Variants in GABRA3 observed in about 807,000 individuals in gnomAD.
GABRA3 encodes the protein gamma-aminobutyric acid type A receptor subunit alpha3.
A neutral mutation model predicts 30.1 loss-of-function variants in GABRA3; 10 were observed. The observed-to-expected ratio is 0.33, with a 90% CI of 0.20 to 0.56. The LOEUF is 0.56. GABRA3 is among the 20% of genes least tolerant of loss of function. The probability of loss-of-function intolerance (pLI) is 0.89; values close to 1 mark genes in which losing one functional copy is unlikely to be tolerated. For missense variants in GABRA3, 233 were observed against 392.0 expected (o/e 0.59, Z 3.42); for synonymous variants, 151 against 146.8 (o/e 1.03, Z -0.21).
At chrX:152,181,473 T>C (rs1211803993) in intron 9 of GABRA3, among the ~76,000 whole-genome samples, 1 of 110,922 alleles carries the variant, frequency 9.0e-6, no homozygotes, top group Non-Finnish European at 1.9e-5. Context: ...TAGGGTTTTC[T>C]ATATATAAGA....
intron 1 of GABRA3, among the ~76,000 whole-genome samples, chrX:152,407,428 A>G (rs1316019741): frequency 3.6e-5 from 4 of 111,991 alleles, no homozygotes; most frequent in Non-Finnish European, 7.5e-5. Context: ...TAAAAGGATT[A>G]TTAGAGATTA....
At chrX:152,439,638 G>T (rs1930868786) in intron 1 of GABRA3, among the ~76,000 whole-genome samples, 1 of 111,483 alleles carries the variant, frequency 9.0e-6, no homozygotes, top group African/African-American at 3.3e-5. Context: ...TATATGTGAA[G>T]CAAAAACCTG....
chrX:152,385,952 ATC>A lies in GABRA3; in HGVS notation c.-26-21358_-26-21357del, dbSNP rs1327244735. Among the ~76,000 whole-genome samples, 6 of 110,114 alleles carry A rather than the reference ATC, an allele frequency of 5.4e-5. No individual in the cohort carries two copies. In the East Asian group the frequency reaches 1.7e-3, roughly 32 times the overall value. On this transcript the variant is annotated intron_variant, in intron 1 of 9. Coordinates refer to ENST00000370314, the MANE Select transcript of GABRA3 (RefSeq NM_000808.4). ...GCTCTGTTCTGTTCCATTGATCTAT[ATC>A]TCTGTTTTGGTACCAGTACCATGCT...
At position 152,167,714 on chromosome X, in the gene GABRA3, CCCACCTTT is replaced by C; in HGVS notation, c.*506_*513del. The C allele has an allele frequency of 8.7e-6, 1 of 115,104 alleles. No homozygotes were observed. The highest frequency in any genetic ancestry group is 1.8e-5 in the Non-Finnish European group (1 of 54,520). 9.5% of individuals were successfully genotyped at this position (115,104 alleles called of 1,213,427 possible). A position where few individuals can be genotyped will look rare whatever the true frequency, so the allele number is the denominator to read the frequency against. On this transcript the variant is annotated 3_prime_UTR_variant, in exon 10 of 10. Coordinates refer to ENST00000370314, the MANE Select transcript of GABRA3 (RefSeq NM_000808.4). ...ATGGGTTGGGGGTGTAGAACTGGCTCCCACCTTTGCTATCAGTACTTATGCCTAGTAGG... is the reference window on the plus strand; with the variant it reads ...ATGGGTTGGGGGTGTAGAACTGGCTCGCTATCAGTACTTATGCCTAGTAGG...
intron 4 of GABRA3, among the ~76,000 whole-genome samples, chrX:152,272,527 C>T (rs1037688933): frequency 1.3e-4 from 15 of 111,980 alleles, no homozygotes; most frequent in Non-Finnish European, 2.4e-4. Flanking sequence ...CTTGCCTTGT[C>T]TCAGATGAGA....
At chrX:152,434,537 T>G (rs776788467) in intron 1 of GABRA3, among the ~76,000 whole-genome samples, 9 of 111,618 alleles carry the variant, frequency 8.1e-5, no homozygotes, top group Non-Finnish European at 1.7e-4. Context: ...ACTTCCCACC[T>G]CATTTTATGA....
At chrX:152,211,076 T>A (rs753565374) in intron 6 of GABRA3, among the ~76,000 whole-genome samples, 2 of 110,821 alleles carry the variant, frequency 1.8e-5, no homozygotes, top group African/African-American at 6.6e-5. Context: ...TCTGTATAGG[T>A]CTTCTTACCT....
intron 5 of GABRA3, among the ~76,000 whole-genome samples, chrX:152,239,970 A>C (rs1238904722): frequency 1.0e-5 from 1 of 98,122 alleles, no homozygotes. Context: ...TGTGTCTTTT[A>C]ATTGGAGAAT....
intron 3 of GABRA3, among the ~76,000 whole-genome samples, chrX:152,301,001 C>T (rs898656607): frequency 2.7e-5 from 3 of 111,990 alleles, no homozygotes; most frequent in African/African-American, 9.7e-5. Context: ...TGATAGACTA[C>T]ATCAATGTAC....
intron 2 of GABRA3, among the ~76,000 whole-genome samples, chrX:152,352,384 C>T (rs1025991971): frequency 9.0e-6 from 1 of 111,577 alleles, no homozygotes; most frequent in African/African-American, 3.3e-5. Flanking sequence ...CATTAACTTC[C>T]CCCCAAACTC....
At chrX:152,415,399 T>C (rs1038845529) in intron 1 of GABRA3, among the ~76,000 whole-genome samples, 2 of 111,447 alleles carry the variant, frequency 1.8e-5, no homozygotes, top group African/African-American at 6.5e-5. Flanking sequence ...TTATGTAATA[T>C]TATCAAACTG....
chrX:152,262,069 A>G (rs1938740102), intron 4 of GABRA3, among the ~76,000 whole-genome samples: 1 of 112,399 alleles, frequency 8.9e-6, no homozygotes, highest in African/African-American at 3.2e-5. Flanking sequence ...GTCTGAAGCC[A>G]TGGCCTGAGC....
chrX:152,270,003 A>G (rs1938899530), intron 4 of GABRA3, among the ~76,000 whole-genome samples: 1 of 112,294 alleles, frequency 8.9e-6, no homozygotes, highest in South Asian at 3.7e-4. Flanking sequence ...GATTACATCA[A>G]GTTCAAAAGC....
intron 5 of GABRA3, among the ~76,000 whole-genome samples, chrX:152,237,649 G>C: frequency 9.3e-6 from 1 of 107,877 alleles, no homozygotes; most frequent in Non-Finnish European, 1.9e-5. Flanking sequence ...TCTTCCATTT[G>C]TATCCTCTTT....
At chrX:152,240,720 C>G (rs1392190090) in intron 5 of GABRA3, among the ~76,000 whole-genome samples, 3 of 100,655 alleles carry the variant, frequency 3.0e-5, no homozygotes, top group Non-Finnish European at 5.8e-5. Flanking sequence ...CTCTAAACTT[C>G]CCTTCTCGCT....
chrX:152,218,086 T>C (rs1323477771), intron 6 of GABRA3, among the ~76,000 whole-genome samples: 2 of 109,136 alleles, frequency 1.8e-5, no homozygotes, highest in Admixed American at 9.9e-5. Flanking sequence ...CTTTTAAATA[T>C]AGGTTTTACA....
intron 1 of GABRA3, among the ~76,000 whole-genome samples, chrX:152,436,977 A>G (rs1229739157): frequency 9.0e-6 from 1 of 111,663 alleles, no homozygotes; most frequent in East Asian, 2.8e-4. Flanking sequence ...ATTGTATTAT[A>G]GAATGACCCA....
chrX:152,303,847 A>T (rs1939677307), intron 3 of GABRA3, among the ~76,000 whole-genome samples: 1 of 110,745 alleles, frequency 9.0e-6, no homozygotes, highest in South Asian at 3.9e-4. Flanking sequence ...CATTAGGACA[A>T]ACACCTAACG....
At chrX:152,428,424 C>T (rs1438137876) in intron 1 of GABRA3, among the ~76,000 whole-genome samples, 1 of 112,302 alleles carries the variant, frequency 8.9e-6, no homozygotes, top group Non-Finnish European at 1.9e-5. Flanking sequence ...TAGTTTGTCC[C>T]CAGGGTACAG....
Sources: gnomAD v4.1 joint callset for allele counts (sites outside exome capture counted in the v4.1 genomes callset) on GRCh38, gnomAD v4.1.1 for gene constraint, MANE v1.5 for transcripts, NCBI Gene and HGNC (gene_info 2026-07-23, HGNC 2026-07-21) for gene names.